MFSD6: variants seen among roughly 807,000 people sequenced by gnomAD.
MFSD6 encodes the protein major facilitator superfamily domain containing 6.
Under a neutral mutation model 56.3 loss-of-function variants are expected in MFSD6, and 26 were observed. That is an observed-to-expected ratio of 0.46 (90% CI 0.34 to 0.64). The LOEUF (loss-of-function observed/expected upper bound fraction) is 0.64, where lower values mean the gene tolerates loss of function less well. Among genes scored for constraint, MFSD6 ranks in the 30% least tolerant of loss-of-function variants. The pLI is 0.01. For synonymous variants in MFSD6, 331 were observed against 366.9 expected (o/e 0.90, Z 1.12); for missense variants, 750 against 986.2 (o/e 0.76, Z 3.21).
chr2:190,427,063 A>T (rs770297952), intron 2 of MFSD6, among the ~76,000 whole-genome samples: 1 of 152,204 alleles, frequency 6.6e-6, no homozygotes, highest in Non-Finnish European at 1.5e-5. Context: ...ATTGAGAGTG[A>T]GGGGTGGACC....
In MFSD6 at chr2:190,415,027, T is replaced by C. The variant is rs1690718964; in HGVS notation, c.-175-265T>C. ...AGATTTTATTTTTCTCTATAGCTTATTTACCTATTTTCACCATAACTTATT... is the reference window on the plus strand; with the variant it reads ...AGATTTTATTTTTCTCTATAGCTTACTTACCTATTTTCACCATAACTTATT... On this transcript the variant is annotated intron_variant, in intron 1 of 7. Coordinates refer to ENST00000392328, the MANE Select transcript of MFSD6 (RefSeq NM_017694.4). This position sits in a 1 kb window ranked among gnomAD's most constrained non-coding sequence, Gnocchi z 4.5. Among the ~76,000 whole-genome samples the C allele has an allele frequency of 6.6e-6, 1 of 152,260 alleles. No homozygotes were observed.
chr2:190,497,591 G>T lies in MFSD6; in HGVS notation c.2044G>T (p.Asp682Tyr), dbSNP rs1689775954. The change falls in exon 7 of 8, where the codon GAT (aspartate) becomes TAT (tyrosine). Residue 682 changes from aspartate (D) to tyrosine (Y), a missense_variant. Asp to Tyr is a radical substitution (Grantham distance 160). Coordinates refer to ENST00000392328, the MANE Select transcript of MFSD6 (RefSeq NM_017694.4). This position sits in a 1 kb window ranked among gnomAD's most constrained non-coding sequence, Gnocchi z 5.2. ...AACTAAGCACCAGGAAGAACAGGAA[G>T]ATGTGAACAAACCAGCCTGGGGAGT... is the stretch of plus-strand genomic sequence containing the variant. The part of the protein sequence containing the change: ...KKTKHQEEQE[D>Y]VNKPAWGVSS... The T allele has an allele frequency of 6.2e-7, 1 of 1,614,062 alleles. No individual in the cohort carries two copies. The highest frequency in any genetic ancestry group is 8.5e-7 in the Non-Finnish European group (1 of 1,180,040).
At position 190,491,066 on chromosome 2, in the gene MFSD6, A is replaced by G. The variant is rs754163776; in HGVS notation, c.1891+1200A>G. 6.6e-6 allele frequency among the ~76,000 whole-genome samples: 1 copy of G among 152,240 alleles called. No homozygotes were observed. The highest frequency in any genetic ancestry group is 1.5e-5 in the Non-Finnish European group (1 of 68,042). ...GATGTAGTTAAAGTTGTATTTTGAG[A>G]AAAATGTATGGACTTGAATATCTTT... On this transcript the variant is annotated intron_variant, in intron 6 of 7. Coordinates refer to ENST00000392328, the MANE Select transcript of MFSD6 (RefSeq NM_017694.4). This position sits in a 1 kb window ranked among gnomAD's most constrained non-coding sequence, Gnocchi z 4.2.
intron 4 of MFSD6, among the ~76,000 whole-genome samples, chr2:190,472,663 G>A (rs1033533016): frequency 1.3e-5 from 2 of 152,298 alleles, no homozygotes; most frequent in South Asian, 2.1e-4. Flanking sequence ...AAAACACTCT[G>A]CAGGATATTA....
At chr2:190,486,786 A>T (rs556076355) in intron 4 of MFSD6, among the ~76,000 whole-genome samples, 1 of 152,198 alleles carries the variant, frequency 6.6e-6, no homozygotes, top group Non-Finnish European at 1.5e-5. Flanking sequence ...TCTCCAAATG[A>T]GACTATTTCT....
rs562636757 is a variant in MFSD6 at position 190,417,025 on chromosome 2, G to A, written c.-54+1612G>A. On this transcript the variant is annotated intron_variant, in intron 2 of 7. Coordinates refer to ENST00000392328, the MANE Select transcript of MFSD6 (RefSeq NM_017694.4). This position sits in a 1 kb window ranked among gnomAD's most constrained non-coding sequence, Gnocchi z 5.7. Reference sequence around the variant, plus strand: ...ATGTTATGTTCTAGATTCCTCCCTCGAGGGGTATACAGTCTTGTTGGGCAA... The same window carrying A: ...ATGTTATGTTCTAGATTCCTCCCTCAAGGGGTATACAGTCTTGTTGGGCAA... Among the ~76,000 whole-genome samples the A allele has an allele frequency of 5.5e-4, 83 of 152,094 alleles. No homozygotes were observed. Among genetic ancestry groups the A allele is most frequent in the African/African-American group, 1.9e-3 (77 of 41,488 alleles).
chr2:190,434,887 C>T lies in MFSD6; in HGVS notation c.-53-1090C>T, dbSNP rs2125046822. On this transcript the variant is annotated intron_variant, in intron 2 of 7. Transcript: ENST00000392328. The surrounding 1 kb of genome is among the most constrained non-coding windows in gnomAD (Gnocchi z 4.3). The stretch of plus-strand genomic sequence containing the variant: ...AATTGGGCTGCACAGCAAGAGCGGG[C>T]CAGCAAGCATTATCACATGAGCTCT... Among the ~76,000 whole-genome samples the T allele has an allele frequency of 6.6e-6, 1 of 152,288 alleles. No individual in the cohort carries two copies. Among genetic ancestry groups the T allele is most frequent in the East Asian group, 1.9e-4 (1 of 5,190 alleles).
At position 190,412,626 on chromosome 2, in the gene MFSD6, C is replaced by T. The variant is rs558893256; in HGVS notation, c.-175-2666C>T. ...CAATGAAAACACCTTAATGCCTCCA[C>T]CAAGAACATTTCCTTTGAGTTTATA... On this transcript the variant is annotated intron_variant, in intron 1 of 7. Coordinates refer to ENST00000392328, the MANE Select transcript of MFSD6 (RefSeq NM_017694.4). The surrounding 1 kb of genome is among the most constrained non-coding windows in gnomAD (Gnocchi z 4.1). The T allele has an allele frequency of 2.3e-4, 226 of 982,142 alleles. No individual in the cohort carries two copies. The highest frequency in any genetic ancestry group is 2.7e-4 in the Non-Finnish European group (221 of 827,008). The allele number at this position is 982,142 out of a possible 1,614,324, so 60.8% of individuals were successfully genotyped here. A position where few individuals can be genotyped will look rare whatever the true frequency, so the allele number is the denominator to read the frequency against.
chr2:190,483,314 G>A (rs1444896863), intron 4 of MFSD6, among the ~76,000 whole-genome samples: 6 of 152,160 alleles, frequency 3.9e-5, no homozygotes, highest in East Asian at 1.9e-4. Flanking sequence ...AACATATAGT[G>A]TAATATTTAA....
chr2:190,485,034 T>G lies in MFSD6; in HGVS notation c.1631-3623T>G, dbSNP rs1688932895. Reference sequence around the variant, plus strand: ...GCAATATAGAAACTAGAAGTCTAACTGTGGAGAATCTTTTACAACTACCAC... The same window carrying G: ...GCAATATAGAAACTAGAAGTCTAACGGTGGAGAATCTTTTACAACTACCAC... On this transcript the variant is annotated intron_variant, in intron 4 of 7. Transcript: ENST00000392328. The surrounding 1 kb of genome is among the most constrained non-coding windows in gnomAD (Gnocchi z 5.1). Among the ~76,000 whole-genome samples the G allele has an allele frequency of 1.3e-5, 2 of 152,216 alleles. No homozygotes were observed. Among genetic ancestry groups the G allele is most frequent in the Non-Finnish European group, 2.9e-5 (2 of 68,030 alleles).
chr2:190,476,091 C>A (rs952951771), intron 4 of MFSD6, among the ~76,000 whole-genome samples: 21 of 152,232 alleles, frequency 1.4e-4, no homozygotes, highest in African/African-American at 4.1e-4. Flanking sequence ...AAATGTTAGA[C>A]CTAAAACCAT....
Position 190,502,274 on chromosome 2 carries a change from A to C in MFSD6, c.*2056A>C, listed in dbSNP as rs549047344. ...TTTTTCTTCCTGTCCCCAAAGTGCCATATGCTACCTTAAAAAATATTAAAG... is the reference window on the plus strand; with the variant it reads ...TTTTTCTTCCTGTCCCCAAAGTGCCCTATGCTACCTTAAAAAATATTAAAG... On this transcript the variant is annotated 3_prime_UTR_variant, in exon 8 of 8. Transcript: ENST00000392328. The surrounding 1 kb of genome is among the most constrained non-coding windows in gnomAD (Gnocchi z 4.4). The C allele has an allele frequency of 3.3e-5, 5 of 152,320 alleles. No individual in the cohort carries two copies. The South Asian group carries it at 1.0e-3, about 32-fold the overall frequency. The allele number at this position is 152,320 out of a possible 1,614,324, so 9.4% of individuals were successfully genotyped here. A position where few individuals can be genotyped will look rare whatever the true frequency, so the allele number is the denominator to read the frequency against.
intron 1 of MFSD6, among the ~76,000 whole-genome samples, chr2:190,409,717 A>C (rs1204373576): frequency 6.6e-6 from 1 of 152,228 alleles, no homozygotes; most frequent in Non-Finnish European, 1.5e-5. Context: ...AGATGTGGGC[A>C]CTAGCCAGCT....
In MFSD6 at chr2:190,426,323, TTTA is replaced by T. The variant is rs142646177; in HGVS notation, c.-53-9650_-53-9648del. On this transcript the variant is annotated intron_variant, in intron 2 of 7. Transcript: ENST00000392328. This position sits in a 1 kb window ranked among gnomAD's most constrained non-coding sequence, Gnocchi z 4.7. ...AATCCCTCTGTCCCCTTTATTCTGC[TTTA>T]TTAAGTGTATCCATTAAGATTTATT... Among the ~76,000 whole-genome samples the T allele has an allele frequency of 2.2e-3, 333 of 152,338 alleles. 2 individuals are homozygous for T. Among genetic ancestry groups the T allele is most frequent in the African/African-American group, 7.5e-3 (310 of 41,580 alleles).
chr2:190,467,133 T>C lies in MFSD6; in HGVS notation c.1533-2625T>C, dbSNP rs541477200. 1.3e-5 allele frequency among the ~76,000 whole-genome samples: 2 copies of C among 152,334 alleles called. No individual in the cohort carries two copies. The highest frequency in any genetic ancestry group is 1.3e-4 in the Admixed American group (2 of 15,306). On this transcript the variant is annotated intron_variant, in intron 3 of 7. Transcript: ENST00000392328. This position sits in a 1 kb window ranked among gnomAD's most constrained non-coding sequence, Gnocchi z 5.5. ...CCAACATTGTTTTATGATGGGATTA[T>C]ATTACAGTATTACTGGGGACAGCTT...
rs775069109 is a variant in MFSD6, at chr2:190,436,208, A to T, written c.179A>T (p.His60Leu). ...PEEEIDWIEK[H>L]CVKINNDLLI... The stretch of plus-strand genomic sequence containing the variant: ...GAGGAAATAGACTGGATAGAGAAAC[A>T]TTGTGTTAAGATAAACAACGATCTT... The change falls in exon 3 of 8, where the codon CAT becomes CTT. Residue 60 changes from histidine to leucine, a missense_variant. Transcript: ENST00000392328. The surrounding 1 kb of genome is among the most constrained non-coding windows in gnomAD (Gnocchi z 5.3). 13 of 1,614,078 alleles carry T rather than the reference A, an allele frequency of 8.1e-6. No homozygotes were observed. Among genetic ancestry groups the T allele is most frequent in the African/African-American group, 1.3e-5 (1 of 74,940 alleles).
At chr2:190,427,561 T>C (rs1025228629) in intron 2 of MFSD6, among the ~76,000 whole-genome samples, 31 of 152,232 alleles carry the variant, frequency 2.0e-4, no homozygotes, top group African/African-American at 7.2e-4. Flanking sequence ...ATACTTGTGT[T>C]GTTCCTTGGG....
chr2:190,422,061 T>C (rs1413271029), intron 2 of MFSD6, among the ~76,000 whole-genome samples: 1 of 152,240 alleles, frequency 6.6e-6, no homozygotes, highest in Non-Finnish European at 1.5e-5. Flanking sequence ...TGTATGACTG[T>C]GTAATCATAA....
intron 3 of MFSD6, among the ~76,000 whole-genome samples, chr2:190,468,903 C>G (rs1417786987): frequency 6.6e-6 from 1 of 151,972 alleles, no homozygotes; most frequent in African/African-American, 2.4e-5. Flanking sequence ...AAATAGAAAA[C>G]AAGGGAGAAA....
Sources: gnomAD v4.1 joint callset for allele counts (sites outside exome capture counted in the v4.1 genomes callset) on GRCh38, gnomAD v4.1.1 for gene constraint, Gnocchi (gnomAD v3.1) non-coding constraint, MANE v1.5 for transcripts, NCBI Gene and HGNC (gene_info 2026-07-23, HGNC 2026-07-21) for gene names.